Variants in ICE1 observed in about 807,000 individuals in gnomAD.
ICE1 encodes the protein little elongation complex subunit 1.
Under a neutral mutation model 192.7 loss-of-function variants are expected in ICE1, and 64 were observed. That is an observed-to-expected ratio of 0.33 (90% CI 0.27 to 0.41). The LOEUF is 0.41. Among genes scored for constraint, ICE1 ranks in the 10% least tolerant of loss-of-function variants. The pLI is 1.00. For missense variants in ICE1, 2,708 were observed against 2,696.0 expected, an observed-to-expected ratio of 1.00 and a Z score of -0.10; for synonymous variants, 1,010 against 984.5, an observed-to-expected ratio of 1.03 and a Z score of -0.49.
At chr5:5,450,157 T>A (rs963980541) in intron 10 of ICE1, among the ~76,000 whole-genome samples, 1 of 152,284 alleles carries the variant, frequency 6.6e-6, no homozygotes, top group Non-Finnish European at 1.5e-5. Flanking sequence ...TCTTTAATTA[T>A]GAATGAGAAG....
At position 5,461,977 on chromosome 5, in the gene ICE1, T is replaced by A; in HGVS notation, c.2643T>A (p.His881Gln). ...CCAAATTGGAACACTTGAGGCCACA[T>A]AGGGTTGAGCCTACCTTAGTAACAG... ...QSAKLEHLRP[H>Q]RVEPTLVTEN... The change falls in exon 13 of 19, where the codon CAT (histidine) becomes CAA (glutamine). Residue 881 changes from histidine (H) to glutamine (Q), a missense_variant. His to Gln is a conservative substitution (Grantham distance 24). This residue lies in a region of ICE1 where 2,366 missense variants were observed against 2,276.6 expected (regional missense o/e 1.04). Coordinates refer to ENST00000296564, the MANE Select transcript of ICE1 (RefSeq NM_015325.3). 1 of 1,613,940 alleles carries A rather than the reference T, an allele frequency of 6.2e-7. No individual in the cohort carries two copies. The highest frequency in any genetic ancestry group is 8.5e-7 in the Non-Finnish European group (1 of 1,179,882).
Position 5,489,272 on chromosome 5 carries a change from C to T in ICE1, c.6743C>T (p.Ser2248Phe). 1.2e-6 allele frequency: 2 copies of T among 1,613,742 alleles called. No homozygotes were observed. Among genetic ancestry groups the T allele is most frequent in the South Asian group, 1.1e-5 (1 of 90,986 alleles). ...WRREASKSVPSAIVSCLEEVS... is the reference protein window; with the variant it reads ...WRREASKSVPFAIVSCLEEVS... The stretch of plus-strand genomic sequence containing the variant: ...AGAGAGGCCTCCAAAAGCGTTCCGT[C>T]TGCGATTGTCAGCTGCCTAGAGGAA... Residue 2248 changes from serine (S) to phenylalanine (F), a missense_variant, in exon 19 of 19, where the codon TCT becomes TTT. This residue lies in a region of ICE1 where 342 missense variants were observed against 419.3 expected (regional missense o/e 0.82). Coordinates refer to ENST00000296564, the MANE Select transcript of ICE1 (RefSeq NM_015325.3).
chr5:5,422,748 G>A lies in ICE1; in HGVS notation c.-168G>A. On this transcript the variant is annotated 5_prime_UTR_variant, in exon 1 of 19. Coordinates refer to ENST00000296564, the MANE Select transcript of ICE1 (RefSeq NM_015325.3). ...GTGCCTGAGGCAGCTCTGGCTCGGA[G>A]AGCCTTTTGCTAGCCCCACGGGGAC... The A allele has an allele frequency of 2.6e-6, 1 of 383,680 alleles. No individual in the cohort carries two copies. The highest frequency in any genetic ancestry group is 4.5e-6 in the Non-Finnish European group (1 of 221,466). The allele number at this position is 383,680 out of a possible 1,614,324, so 23.8% of individuals were successfully genotyped here. A position where few individuals can be genotyped will look rare whatever the true frequency, so the allele number is the denominator to read the frequency against.
intron 7 of ICE1, among the ~76,000 whole-genome samples, chr5:5,446,942 G>A (rs1385907918): frequency 2.0e-5 from 3 of 152,134 alleles, no homozygotes; most frequent in African/African-American, 7.2e-5. Context: ...CTCTAATAAA[G>A]GTCCTAGGGA....
Position 5,462,353 on chromosome 5 carries a change from G to A in ICE1, c.3019G>A (p.Glu1007Lys). 6.2e-7 allele frequency: 1 copy of A among 1,614,070 alleles called. No individual in the cohort carries two copies. The highest frequency in any genetic ancestry group is 8.5e-7 in the Non-Finnish European group (1 of 1,179,906). ...TGGCAGTGAGATGCTTCCAGCCACA[G>A]AAGTGACTGTGTCAGGAGGGTTTTC... ...THGSEMLPAT[E>K]VTVSGGFSVE... The change falls in exon 13 of 19, where the codon GAA becomes AAA. Residue 1007 changes from glutamate (E) to lysine (K), a missense_variant. By Grantham distance (56) the Glu-to-Lys change is moderately conservative. Around this residue, in one of 2 missense-constraint regions of ICE1, gnomAD observed 2,366 missense variants for 2,276.6 expected, o/e 1.04. Transcript: ENST00000296564.
chr5:5,481,375 A>G (rs1420005318), intron 17 of ICE1, among the ~76,000 whole-genome samples: 2 of 152,122 alleles, frequency 1.3e-5, no homozygotes, highest in Admixed American at 6.6e-5. Context: ...TTTTGTGGTC[A>G]GCAGCCTTAT....
Position 5,461,139 on chromosome 5 carries a change from T to A in ICE1, c.1805T>A (p.Phe602Tyr), listed in dbSNP as rs757165603. The change falls in exon 13 of 19, where the codon TTC (phenylalanine) becomes TAC (tyrosine). Residue 602 changes from phenylalanine to tyrosine, a missense_variant. By Grantham distance (22) the Phe-to-Tyr change is conservative. This residue lies in a region of ICE1 where 2,366 missense variants were observed against 2,276.6 expected (regional missense o/e 1.04). Transcript: ENST00000296564. ...LEKEKEDTQG[F>Y]TLGESPESED... ...AAGGAAAAAGAAGATACTCAAGGGT[T>A]CACTTTAGGAGAATCACCTGAATCA... is the stretch of plus-strand genomic sequence containing the variant. 1 of 1,613,998 alleles carries A rather than the reference T, an allele frequency of 6.2e-7. No homozygotes were observed. Among genetic ancestry groups the A allele is most frequent in the South Asian group, 1.1e-5 (1 of 91,084 alleles).
Position 5,465,144 on chromosome 5 carries a change from T to G in ICE1, c.5810T>G (p.Val1937Gly), listed in dbSNP as rs755761758. Residue 1937 changes from valine (V) to glycine (G), a missense_variant, in exon 13 of 19, where the codon GTG (valine) becomes GGG (glycine). Around this residue, in one of 2 missense-constraint regions of ICE1, gnomAD observed 342 missense variants for 419.3 expected, o/e 0.82. Coordinates refer to ENST00000296564, the MANE Select transcript of ICE1 (RefSeq NM_015325.3). ...FDLLPVIRSH[V>G]YVGNISKKPV... is the part of the protein sequence containing the mutation. ...CTGTTACCTGTCATTCGTAGTCATG[T>G]GTATGTGGGAAATATCTCCAAAAAG... The G allele has an allele frequency of 1.9e-6, 3 of 1,610,252 alleles. No individual in the cohort carries two copies. The South Asian group carries it at 3.3e-5, about 18-fold the overall frequency.
intron 1 of ICE1, among the ~76,000 whole-genome samples, chr5:5,423,555 C>T (rs892882990): frequency 2.4e-4 from 37 of 152,142 alleles, no homozygotes; most frequent in African/African-American, 8.7e-4. Context: ...AGTAGCTTGT[C>T]AGTTGTTTGA....
intron 14 of ICE1, among the ~76,000 whole-genome samples, chr5:5,467,367 G>A (rs776440968): frequency 3.3e-5 from 5 of 152,148 alleles, no homozygotes; most frequent in Non-Finnish European, 7.4e-5. Context: ...GTGGTGGGAC[G>A]GAACGGGTGT....
chr5:5,449,366 C>T (rs768722255), intron 10 of ICE1, among the ~76,000 whole-genome samples: 6 of 151,644 alleles, frequency 4.0e-5, no homozygotes, highest in Non-Finnish European at 7.4e-5. Context: ...AAGTAAGCAC[C>T]AGAGTATTAG....
At chr5:5,428,354 T>C (rs536001474) in intron 1 of ICE1, among the ~76,000 whole-genome samples, 3 of 152,110 alleles carry the variant, frequency 2.0e-5, no homozygotes, top group Non-Finnish European at 4.4e-5. Flanking sequence ...GAGCAGTTAG[T>C]AAACAGCAAG....
rs758039783 is a variant in ICE1 at position 5,463,431 on chromosome 5, C to G, written c.4097C>G (p.Pro1366Arg). The G allele has an allele frequency of 1.2e-6, 2 of 1,613,330 alleles. No homozygotes were observed. The highest frequency in any genetic ancestry group is 2.2e-5 in the South Asian group (2 of 90,868). The change falls in exon 13 of 19, where the codon CCT (proline) becomes CGT (arginine). Residue 1366 changes from proline (P) to arginine (R), a missense_variant. By Grantham distance (103) the Pro-to-Arg change is moderately radical. Coordinates refer to ENST00000296564, the MANE Select transcript of ICE1 (RefSeq NM_015325.3). Reference sequence around the variant, plus strand: ...GGTGGGGAAGAAGACCTGCCAGAACCTGTGGAGCCATCAGCCTTGTGCTCT... The same window carrying G: ...GGTGGGGAAGAAGACCTGCCAGAACGTGTGGAGCCATCAGCCTTGTGCTCT... ...TDGGEEDLPE[P>R]VEPSALCSDS...
intron 17 of ICE1, among the ~76,000 whole-genome samples, chr5:5,482,564 G>A (rs1337993197): frequency 6.6e-6 from 1 of 152,224 alleles, no homozygotes; most frequent in Non-Finnish European, 1.5e-5. Flanking sequence ...GTGTGCACAG[G>A]TGCACCAGCA....
intron 14 of ICE1, among the ~76,000 whole-genome samples, chr5:5,467,140 T>C (rs1444072829): frequency 1.3e-5 from 2 of 152,240 alleles, no homozygotes; most frequent in East Asian, 3.8e-4. Context: ...ATTGAGTATA[T>C]CCATCACTTT....
At chr5:5,433,276 G>C (rs1737777441) in intron 1 of ICE1, among the ~76,000 whole-genome samples, 1 of 152,150 alleles carries the variant, frequency 6.6e-6, no homozygotes, top group Non-Finnish European at 1.5e-5. Context: ...ATTTCTCTGA[G>C]GCATGGTGGA....
chr5:5,477,869 C>G (rs558368282), intron 17 of ICE1, among the ~76,000 whole-genome samples: 2 of 152,294 alleles, frequency 1.3e-5, no homozygotes, highest in Admixed American at 6.5e-5. Context: ...TAAACAGAAC[C>G]AGTGACAAAA....
rs570583579 is a variant in ICE1, at chr5:5,449,872, C to T, written c.604+1975C>T. ...AATTATGGCCACTTTAAGGGCTAGC[C>T]CCTCCTCTTCCCAGAAAACAAGATG... is the stretch of plus-strand genomic sequence containing the variant. On this transcript the variant is annotated intron_variant, in intron 10 of 18. Transcript: ENST00000296564. Among the ~76,000 whole-genome samples the T allele has an allele frequency of 7.9e-5, 12 of 152,218 alleles. No homozygotes were observed. The South Asian group carries it at 2.5e-3, about 32-fold the overall frequency.
At position 5,461,292 on chromosome 5, in the gene ICE1, G is replaced by T. The variant is rs368952264; in HGVS notation, c.1958G>T (p.Cys653Phe). 13 of 1,613,892 alleles carry T rather than the reference G, an allele frequency of 8.1e-6. No individual in the cohort carries two copies. The highest frequency in any genetic ancestry group is 1.1e-5 in the Non-Finnish European group (13 of 1,179,856). Residue 653 changes from cysteine (C) to phenylalanine (F), a missense_variant, in exon 13 of 19, where the codon TGT becomes TTT. Physicochemically the swap from Cys to Phe is radical, Grantham distance 205 (BLOSUM62 -2). Transcript: ENST00000296564. ...CCCCAGTCTTCTTCTGGGTTAGACTGTGGTAATGATACAGATATTACTACT... is the reference window on the plus strand; with the variant it reads ...CCCCAGTCTTCTTCTGGGTTAGACTTTGGTAATGATACAGATATTACTACT... ...SNPQSSSGLDCGNDTDITTKV... is the reference protein window; with the variant it reads ...SNPQSSSGLDFGNDTDITTKV...
Sources: gnomAD v4.1 joint callset for allele counts (sites outside exome capture counted in the v4.1 genomes callset) on GRCh38, gnomAD v4.1.1 for gene constraint, gnomAD v4.1.1 regional missense constraint, MANE v1.5 for transcripts, NCBI Gene and HGNC (gene_info 2026-07-23, HGNC 2026-07-21) for gene names.